CASP14: variants seen among roughly 807,000 people sequenced by gnomAD.
CASP14 encodes caspase-14.
CASP14 carries 27 observed loss-of-function variants against 28.4 expected under a neutral mutation model. The ratio of observed to expected loss-of-function variants is 0.95; its 90% CI spans 0.70 to 1.31. The LOEUF (loss-of-function observed/expected upper bound fraction) is 1.31, where lower values mean the gene tolerates loss of function less well. Ranked by LOEUF, CASP14 falls within the 50% of genes most tolerant of loss-of-function variation. The probability of loss-of-function intolerance (pLI) is 0.00; values close to 1 mark genes in which losing one functional copy is unlikely to be tolerated. For missense variants in CASP14, 323 were observed against 312.8 expected (o/e 1.03, Z -0.25); for synonymous variants, 115 against 118.6 (o/e 0.97, Z 0.20).
chr19:15,053,896 A>T lies in CASP14; in HGVS notation c.341A>T (p.Asn114Ile). 6.2e-7 allele frequency: 1 copy of T among 1,614,178 alleles called. No individual in the cohort carries two copies. The highest frequency in any genetic ancestry group is 8.5e-7 in the Non-Finnish European group (1 of 1,180,028). Reference sequence around the variant, plus strand: ...GAGAATCTCTTCGAGGCCCTGAACAACAAGAACTGCCAGGCCCTGCGAGCT... The same window carrying T: ...GAGAATCTCTTCGAGGCCCTGAACATCAAGAACTGCCAGGCCCTGCGAGCT... Reference protein sequence around the residue: ...KLENLFEALNNKNCQALRAKP... With the variant: ...KLENLFEALNIKNCQALRAKP... The change falls in exon 4 of 7, where the codon AAC becomes ATC. Residue 114 changes from asparagine to isoleucine, a missense_variant. Transcript: ENST00000427043.
chr19:15,055,320 C>T, intron 5 of CASP14, 46 bp downstream of exon 5: 1 of 1,562,182 alleles, frequency 6.4e-7, no homozygotes, highest in Non-Finnish European at 8.8e-7. Context: ...TCTTCCCCCT[C>T]TCCTGCCACT....
rs1426927440 is a variant in CASP14, at chr19:15,056,053, C to G, written c.693C>G (p.Ile231Met). The G allele has an allele frequency of 1.9e-6, 3 of 1,607,054 alleles. No homozygotes were observed. The African/African-American group carries it at 4.0e-5, about 21-fold the overall frequency. Residue 231 changes from isoleucine (I) to methionine (M), a missense_variant, in exon 7 of 7, where the codon ATC becomes ATG. Transcript: ENST00000427043. ...AAGCAAGGAAAACGAACCCTGAAATCCAAAGCACCCTCCGGAAACGGCTGT... is the reference window on the plus strand; with the variant it reads ...AAGCAAGGAAAACGAACCCTGAAATGCAAAGCACCCTCCGGAAACGGCTGT... The part of the protein sequence containing the change: ...EGKARKTNPE[I>M]QSTLRKRLYL...
intron 1 of CASP14, among the ~76,000 whole-genome samples, chr19:15,050,000 G>A (rs2046082268): frequency 6.6e-6 from 1 of 152,086 alleles, no homozygotes; most frequent in Non-Finnish European, 1.5e-5. Context: ...CAAAAACACT[G>A]CTGTAATTCA....
At chr19:15,051,062 T>C (rs777559718) in intron 1 of CASP14, among the ~76,000 whole-genome samples, 52 of 151,646 alleles carry the variant, frequency 3.4e-4, no homozygotes, top group Non-Finnish European at 5.4e-4. Context: ...AATGGATAGA[T>C]GGTAGATGGA....
At position 15,053,956 on chromosome 19, in the gene CASP14, G is replaced by A. The variant is rs756094164; in HGVS notation, c.401G>A (p.Gly134Glu). ...GTGTACATCATACAGGCCTGTCGAGGAGGTGGGGACAGATCCAAGAGCACA... is the reference window on the plus strand; with the variant it reads ...GTGTACATCATACAGGCCTGTCGAGAAGGTGGGGACAGATCCAAGAGCACA... ...PKVYIIQACR[G>E]EQRDPGETVG... The change falls in exon 4 of 7, where the codon GGA becomes GAA. Residue 134 changes from glycine (G) to glutamate (E), a missense_variant and splice_region_variant. By Grantham distance (98) the Gly-to-Glu change is moderately conservative. Coordinates refer to ENST00000427043, the MANE Select transcript of CASP14 (RefSeq NM_012114.3). 16 of 1,612,716 alleles carry A rather than the reference G, an allele frequency of 9.9e-6. No individual in the cohort carries two copies. The South Asian group carries it at 1.3e-4, about 13-fold the overall frequency.
chr19:15,053,405 G>A (rs2046099877), intron 2 of CASP14, 77 bp from the exon 3 acceptor site: 2 of 1,573,922 alleles, frequency 1.3e-6, no homozygotes, highest in Non-Finnish European at 1.7e-6. Flanking sequence ...ACCACACCCA[G>A]CCTGCATGCC....
chr19:15,055,086 T>G, intron 4 of CASP14, 72 bp from the exon 5 acceptor site: 106 of 1,189,644 alleles, frequency 8.9e-5, no homozygotes, highest in Non-Finnish European at 1.2e-4. Context: ...AATACAGGTG[T>G]GAGCCACCCT....
In CASP14 at chr19:15,056,391, T is replaced by G. The variant is rs1276281018; in HGVS notation, c.*302T>G. On this transcript the variant is annotated 3_prime_UTR_variant, in exon 7 of 7. Transcript: ENST00000427043. Reference sequence around the variant, plus strand: ...CTTATCCCACTTTCTGTTCCTGTGGTCTTCTTTCTCCCATGAAGCAGAAAC... The same window carrying G: ...CTTATCCCACTTTCTGTTCCTGTGGGCTTCTTTCTCCCATGAAGCAGAAAC... 4.0e-6 allele frequency: 1 copy of G among 250,758 alleles called. No individual in the cohort carries two copies. The highest frequency in any genetic ancestry group is 2.2e-5 in the African/African-American group (1 of 45,480). 15.5% of individuals were successfully genotyped at this position (250,758 alleles called of 1,614,324 possible). A position where few individuals can be genotyped will look rare whatever the true frequency, so the allele number is the denominator to read the frequency against.
At position 15,056,135 on chromosome 19, in the gene CASP14, C is replaced by G; in HGVS notation, c.*46C>G. ...GCTTTCCTTCCAGCATTCTTTCTGTCTCACAGAAATTTAGAGGCAGCTCTT... is the reference window on the plus strand; with the variant it reads ...GCTTTCCTTCCAGCATTCTTTCTGTGTCACAGAAATTTAGAGGCAGCTCTT... On this transcript the variant is annotated 3_prime_UTR_variant, in exon 7 of 7. Transcript: ENST00000427043. 2.8e-6 allele frequency: 4 copies of G among 1,450,208 alleles called. No individual in the cohort carries two copies. Among genetic ancestry groups the G allele is most frequent in the Non-Finnish European group, 3.8e-6 (4 of 1,055,104 alleles). The allele number at this position is 1,450,208 out of a possible 1,614,324, so 89.8% of individuals were successfully genotyped here.
rs1203995106 is a variant in CASP14, at chr19:15,049,485, CCAGGCTTCT to C, written c.-202_-194del. 2.6e-5 allele frequency: 4 copies of C among 152,130 alleles called. No individual in the cohort carries two copies. The highest frequency in any genetic ancestry group is 9.7e-5 in the African/African-American group (4 of 41,410). The allele number at this position is 152,130 out of a possible 1,614,324, so 9.4% of individuals were successfully genotyped here. ...GTGATTGTGCCACCCGATTCATAGA[CCAGGCTTCT>C]CAGGAGAAACCCCGGGAGATTCCAC... On this transcript the variant is annotated 5_prime_UTR_variant, in exon 1 of 7. Transcript: ENST00000427043.
At chr19:15,053,134 G>A (rs2046098642) in intron 2 of CASP14, among the ~76,000 whole-genome samples, 1 of 152,008 alleles carries the variant, frequency 6.6e-6, no homozygotes, top group African/African-American at 2.4e-5. Context: ...TTTGAGACAG[G>A]GTCTCACTTA....
At chr19:15,055,902 T>C in intron 6 of CASP14, 83 bp from the exon 7 acceptor site, 1 of 1,017,726 alleles carries the variant, frequency 9.8e-7, no homozygotes, top group Non-Finnish European at 1.5e-6. Flanking sequence ...AGGACAAGAA[T>C]ACCCACCTGC....
chr19:15,054,021 A>G, intron 4 of CASP14, 63 bp downstream of exon 4: 1 of 1,386,734 alleles, frequency 7.2e-7, no homozygotes, highest in Non-Finnish European at 1.0e-6. Context: ...TTTTTGAGAC[A>G]GCACCCAGGC....
Position 15,053,501 on chromosome 19 carries a change from G to T in CASP14, c.47G>T (p.Gly16Val). Reference protein sequence around the residue: ...SLEEEKYDMSGARLALILCVT... With the variant: ...SLEEEKYDMSVARLALILCVT... ...CCCCAGGAGAAATATGATATGTCAG[G>T]TGCCCGCCTGGCCCTAATACTGTGT... Residue 16 changes from glycine (G) to valine (V), a missense_variant, in exon 3 of 7, where the codon GGT becomes GTT. Gly to Val is a moderately radical substitution (Grantham distance 109). Coordinates refer to ENST00000427043, the MANE Select transcript of CASP14 (RefSeq NM_012114.3). 3 of 1,614,060 alleles carry T rather than the reference G, an allele frequency of 1.9e-6. No individual in the cohort carries two copies. Among genetic ancestry groups the T allele is most frequent in the Non-Finnish European group, 2.5e-6 (3 of 1,180,004 alleles).
chr19:15,055,974 T>C lies in CASP14; in HGVS notation c.625-11T>C. On this transcript the variant is annotated splice_polypyrimidine_tract_variant and intron_variant, in intron 6 of 6. Coordinates refer to ENST00000427043, the MANE Select transcript of CASP14 (RefSeq NM_012114.3). ...CTGACTCCTCCAAGCTCACCACACC[T>C]GTTGCTGCAGGTGACCCGGCGGATG... The C allele has an allele frequency of 1.3e-6, 2 of 1,597,854 alleles. No homozygotes were observed. The highest frequency in any genetic ancestry group is 1.7e-6 in the Non-Finnish European group (2 of 1,171,356).
chr19:15,053,412 T>C, intron 2 of CASP14, 70 bp from the exon 3 acceptor site: 1 of 1,593,076 alleles, frequency 6.3e-7, no homozygotes, highest in Non-Finnish European at 8.6e-7. Context: ...CCAGCCTGCA[T>C]GCCTCTTTTG....
At chr19:15,055,094 C>G (rs1300137318) in intron 4 of CASP14, 64 bp from the exon 5 acceptor site, 1 of 1,315,816 alleles carries the variant, frequency 7.6e-7, no homozygotes, top group Non-Finnish European at 1.1e-6. Context: ...TGTGAGCCAC[C>G]CTGCCCAGCC....
rs2046103771 is a variant in CASP14 at position 15,053,908 on chromosome 19, A to G, written c.353A>G (p.Gln118Arg). Residue 118 changes from glutamine (Q) to arginine (R), a missense_variant, in exon 4 of 7, where the codon CAG (glutamine) becomes CGG (arginine). By Grantham distance (43) the Gln-to-Arg change is conservative. Transcript: ENST00000427043. ...GAGGCCCTGAACAACAAGAACTGCC[A>G]GGCCCTGCGAGCTAAGCCCAAGGTG... Reference protein sequence around the residue: ...LFEALNNKNCQALRAKPKVYI... With the variant: ...LFEALNNKNCRALRAKPKVYI... 2 of 1,614,038 alleles carry G rather than the reference A, an allele frequency of 1.2e-6. No homozygotes were observed. The highest frequency in any genetic ancestry group is 1.7e-6 in the Non-Finnish European group (2 of 1,180,038).
intron 1 of CASP14, among the ~76,000 whole-genome samples, chr19:15,051,813 G>A (rs543031282): frequency 1.2e-4 from 18 of 152,172 alleles, no homozygotes; most frequent in East Asian, 3.9e-4. Flanking sequence ...TCCCCAGCCC[G>A]TCATCTCCTA....
Sources: gnomAD v4.1 joint callset for allele counts (sites outside exome capture counted in the v4.1 genomes callset) on GRCh38, gnomAD v4.1.1 for gene constraint, MANE v1.5 for transcripts, NCBI Gene and HGNC (gene_info 2026-07-23, HGNC 2026-07-21) for gene names.